The following GATAD2B variants were observed in gnomAD, a reference collection of about 807,000 sequenced individuals.
The protein encoded by GATAD2B is GATA zinc finger domain containing 2B, also known as transcriptional repressor p66-beta.
Under a neutral mutation model 64.3 loss-of-function variants are expected in GATAD2B, and 8 were observed. That is an observed-to-expected ratio of 0.12 (90% CI 0.07 to 0.22). The LOEUF is 0.22. Ranked by LOEUF, GATAD2B falls within the 10% of genes least tolerant of loss-of-function variation. The pLI, the probability that GATAD2B is intolerant of heterozygous loss-of-function variation, is 1.00. For synonymous variants in GATAD2B, 281 were observed against 271.3 expected (o/e 1.04, Z -0.35); for missense variants, 453 against 752.0 (o/e 0.60, Z 4.65).
At chr1:153,889,413 C>CAAAA (rs71093299) in intron 1 of GATAD2B, among the ~76,000 whole-genome samples, 2,772 of 66,826 alleles carry the variant, frequency 0.041, 49 homozygotes, top group African/African-American at 0.054. Flanking sequence ...ACCCCGTCTC[C>CAAAA]AAAAAAAAAA....
chr1:153,912,174 A>G (rs1678127608), intron 1 of GATAD2B, among the ~76,000 whole-genome samples: 1 of 152,210 alleles, frequency 6.6e-6, no homozygotes, highest in South Asian at 2.1e-4. Flanking sequence ...AAAGTCATGC[A>G]ACAATCAAAA....
intron 1 of GATAD2B, among the ~76,000 whole-genome samples, chr1:153,851,381 C>T (rs926477622): frequency 2.6e-5 from 4 of 152,004 alleles, no homozygotes; most frequent in South Asian, 2.1e-4. Context: ...CCATAGTGGC[C>T]GCTTGTACCA....
At chr1:153,828,973 G>C (rs1674984975) in intron 1 of GATAD2B, among the ~76,000 whole-genome samples, 1 of 152,162 alleles carries the variant, frequency 6.6e-6, no homozygotes, top group Non-Finnish European at 1.5e-5. Context: ...CAGAGGCTGA[G>C]GTGGGAGGAT....
chr1:153,849,021 G>T (rs1258681800), intron 1 of GATAD2B, among the ~76,000 whole-genome samples: 1 of 151,706 alleles, frequency 6.6e-6, no homozygotes, highest in Non-Finnish European at 1.5e-5. Context: ...GTATGTGGGT[G>T]TGTGTGTTCT....
chr1:153,857,967 A>C (rs917780220), intron 1 of GATAD2B, among the ~76,000 whole-genome samples: 1 of 152,220 alleles, frequency 6.6e-6, no homozygotes, highest in Non-Finnish European at 1.5e-5. Flanking sequence ...AAGAAATACA[A>C]ATAATTTGAC....
At chr1:153,922,688 C>T (rs1356706510) in intron 1 of GATAD2B, 45 bp downstream of exon 1, 1 of 152,436 alleles carries the variant, frequency 6.6e-6, no homozygotes, top group Non-Finnish European at 1.5e-5. Context: ...CTCACCGCCC[C>T]CGGGCGGGCG....
At chr1:153,824,304 A>T (rs959257491) in intron 2 of GATAD2B, among the ~76,000 whole-genome samples, 13 of 152,162 alleles carry the variant, frequency 8.5e-5, no homozygotes, top group Non-Finnish European at 1.8e-4. Context: ...AATGATTTTT[A>T]AAAATCACCC....
At chr1:153,869,835 A>G (rs982057744) in intron 1 of GATAD2B, among the ~76,000 whole-genome samples, 1 of 152,166 alleles carries the variant, frequency 6.6e-6, no homozygotes. Flanking sequence ...TCATCAGAAA[A>G]TCCAAATTGG....
intron 1 of GATAD2B, among the ~76,000 whole-genome samples, chr1:153,842,760 C>G (rs1203463439): frequency 6.6e-6 from 1 of 151,522 alleles, no homozygotes; most frequent in East Asian, 2.0e-4. Flanking sequence ...TCAAGCAATT[C>G]TCCTACCTCA....
chr1:153,910,907 T>C (rs981981602), intron 1 of GATAD2B, among the ~76,000 whole-genome samples: 4 of 152,228 alleles, frequency 2.6e-5, no homozygotes, highest in Non-Finnish European at 5.9e-5. Context: ...TGACTTAGGC[T>C]ATTTTCAACT....
intron 1 of GATAD2B, among the ~76,000 whole-genome samples, chr1:153,880,137 C>T (rs922857147): frequency 6.6e-6 from 1 of 151,668 alleles, no homozygotes; most frequent in African/African-American, 2.4e-5. Context: ...CTCTCCCCCA[C>T]CCACCCCTGT....
chr1:153,837,801 T>C (rs1425301485), intron 1 of GATAD2B, among the ~76,000 whole-genome samples: 1 of 152,196 alleles, frequency 6.6e-6, no homozygotes, highest in Non-Finnish European at 1.5e-5. Flanking sequence ...ACTTATCACA[T>C]AAATATTCCT....
chr1:153,824,447 C>T (rs1244138629), intron 2 of GATAD2B, among the ~76,000 whole-genome samples: 7 of 151,714 alleles, frequency 4.6e-5, no homozygotes, highest in Admixed American at 1.3e-4. Context: ...GCCAACATGG[C>T]GAAACCCCAT....
intron 1 of GATAD2B, among the ~76,000 whole-genome samples, chr1:153,861,809 T>TATATATATATATATATATATATACACAC (rs1294838675): frequency 1.6e-4 from 19 of 122,066 alleles, no homozygotes; most frequent in African/African-American, 5.4e-4. Context: ...TATATATATA[T>TATATATATATATATATATATATACACAC]ACACATATGT....
Position 153,815,179 on chromosome 1 carries a change from G to A in GATAD2B, c.1216+1094C>T, listed in dbSNP as rs539653192. On this transcript the variant is annotated intron_variant, in intron 7 of 10. Transcript: ENST00000368655. The stretch of plus-strand genomic sequence containing the variant: ...TCCCAGTTACTCAGGAGGCTGAAAT[G>A]GGAGGATGGCTTGAGCCTGGGAGGT... 6.2e-5 allele frequency among the ~76,000 whole-genome samples: 9 copies of A among 145,858 alleles called. No homozygotes were observed. The South Asian group carries it at 1.9e-3, about 32-fold the overall frequency.
intron 1 of GATAD2B, among the ~76,000 whole-genome samples, chr1:153,890,109 T>C (rs994877770): frequency 6.7e-6 from 1 of 149,736 alleles, no homozygotes; most frequent in African/African-American, 2.5e-5. Context: ...GAGGCAGAGG[T>C]TGCAGTGAGC....
intron 1 of GATAD2B, chr1:153,898,734 A>G (rs1273654953): frequency 6.6e-6 from 1 of 152,260 alleles, no homozygotes; most frequent in Non-Finnish European, 1.5e-5. Flanking sequence ...AATCTATTGA[A>G]TAAAATAATC....
chr1:153,868,504 G>A (rs905412237), intron 1 of GATAD2B, among the ~76,000 whole-genome samples: 2 of 151,870 alleles, frequency 1.3e-5, no homozygotes, highest in Admixed American at 1.3e-4. Context: ...ACACAGGAAG[G>A]TAGGAGTTCT....
rs1674516872 is a variant in GATAD2B at position 153,817,423 on chromosome 1, G to A, written c.849C>T (p.Gly283=). 8 of 1,610,496 alleles carry A rather than the reference G, an allele frequency of 5.0e-6. No individual in the cohort carries two copies. The highest frequency in any genetic ancestry group is 6.8e-6 in the Non-Finnish European group (8 of 1,178,772). The change falls in exon 6 of 11, where the codon GGC becomes GGT. Residue 283 remains glycine (G), a synonymous_variant. Transcript: ENST00000368655. ...LQGQRGPPKP[G]LVRTTTPNMN... The stretch of plus-strand genomic sequence containing the variant: ...TGTTGGGTGTTGTGGTGCGTACAAG[G>A]CCAGGCTTAGGCGGGCCCCGCTGAC...
Sources: gnomAD v4.1 joint callset for allele counts (sites outside exome capture counted in the v4.1 genomes callset) on GRCh38, gnomAD v4.1.1 for gene constraint, MANE v1.5 for transcripts, NCBI Gene and HGNC (gene_info 2026-07-23, HGNC 2026-07-21) for gene names.